RBFOX1: variants seen among roughly 807,000 people sequenced by gnomAD.
RBFOX1 encodes RNA binding protein fox-1 homolog 1.
RBFOX1 carries 8 observed loss-of-function variants against 57.7 expected under a neutral mutation model. That is an observed-to-expected ratio of 0.14 (90% CI 0.08 to 0.25). RBFOX1 has a LOEUF of 0.25. RBFOX1 is among the 10% of genes least tolerant of loss of function. RBFOX1 has a pLI of 1.00. For missense variants in RBFOX1, 611 were observed against 548.5 expected, an observed-to-expected ratio of 1.11 and a Z score of -1.14; for synonymous variants, 326 against 222.4, an observed-to-expected ratio of 1.47 and a Z score of -4.15.
intron 4 of RBFOX1, among the ~76,000 whole-genome samples, chr16:7,073,704 C>G (rs1489643523): frequency 6.6e-6 from 1 of 150,964 alleles, no homozygotes; most frequent in African/African-American, 2.4e-5. Flanking sequence ...AAAATATATA[C>G]AAAAAAAAAT....
chr16:5,658,543 A>T (rs952942653), intron 3 of RBFOX1, among the ~76,000 whole-genome samples: 3 of 151,958 alleles, frequency 2.0e-5, no homozygotes, highest in Non-Finnish European at 4.4e-5. Flanking sequence ...TTCTCTGGGT[A>T]TTACCTGGAA....
At chr16:5,962,380 A>G (rs2059767185) in intron 4 of RBFOX1, among the ~76,000 whole-genome samples, 1 of 152,182 alleles carries the variant, frequency 6.6e-6, no homozygotes, top group Admixed American at 6.5e-5. Flanking sequence ...GTCCCTAGAT[A>G]TGAAGCACTC....
chr16:6,533,437 C>T (rs2153820858), intron 2 of RBFOX1, among the ~76,000 whole-genome samples: 1 of 152,264 alleles, frequency 6.6e-6, no homozygotes, highest in Non-Finnish European at 1.5e-5. Context: ...TGCCACGTGG[C>T]ACCACCAGCA....
intron 4 of RBFOX1, among the ~76,000 whole-genome samples, chr16:7,487,536 G>C (rs965901851): frequency 2.6e-5 from 4 of 152,170 alleles, no homozygotes; most frequent in Admixed American, 6.5e-5. Context: ...ATTCCTTAAA[G>C]TGGGAATGTC....
At chr16:6,506,241 A>G (rs573484545) in intron 2 of RBFOX1, among the ~76,000 whole-genome samples, 2 of 152,272 alleles carry the variant, frequency 1.3e-5, no homozygotes, top group South Asian at 4.1e-4. Context: ...CTTCTGGACT[A>G]AGGGAGGACC....
At chr16:5,657,626 T>C (rs999441652) in intron 3 of RBFOX1, among the ~76,000 whole-genome samples, 10 of 58,910 alleles carry the variant, frequency 1.7e-4, no homozygotes, top group African/African-American at 6.5e-4. Context: ...CTTTCTCTCT[T>C]TCTTTCTTTC....
chr16:5,275,686 T>A (rs935010845), intron 1 of RBFOX1, among the ~76,000 whole-genome samples: 3 of 152,062 alleles, frequency 2.0e-5, no homozygotes, highest in African/African-American at 7.2e-5. Context: ...GAAAAAACAA[T>A]GCCAAAATTC....
chr16:5,585,537 G>T (rs1201062593), intron 2 of RBFOX1, among the ~76,000 whole-genome samples: 1 of 152,180 alleles, frequency 6.6e-6, no homozygotes, highest in Admixed American at 6.5e-5. Context: ...AGTATCCTGT[G>T]TCTTGATTGA....
At chr16:5,830,612 G>C (rs2056231184) in intron 3 of RBFOX1, among the ~76,000 whole-genome samples, 1 of 152,142 alleles carries the variant, frequency 6.6e-6, no homozygotes, top group Non-Finnish European at 1.5e-5. Flanking sequence ...TGGGAGGTGA[G>C]AAAAGATGTA....
chr16:5,847,390 T>G (rs2151857983), intron 3 of RBFOX1, among the ~76,000 whole-genome samples: 1 of 151,702 alleles, frequency 6.6e-6, no homozygotes, highest in East Asian at 1.9e-4. Flanking sequence ...AATCTTAAAA[T>G]AGATCCTGAT....
chr16:6,621,932 A>C (rs34721885), intron 2 of RBFOX1, among the ~76,000 whole-genome samples: 4,017 of 152,268 alleles, frequency 0.026, 93 homozygotes, highest in Non-Finnish European at 0.039. Context: ...GCTAAGAGAG[A>C]GTTATGGTGG....
intron 3 of RBFOX1, among the ~76,000 whole-genome samples, chr16:6,688,001 T>C (rs2059687171): frequency 6.6e-6 from 1 of 152,228 alleles, no homozygotes; most frequent in Non-Finnish European, 1.5e-5. Flanking sequence ...ACATCTTCTA[T>C]GCCAAGCACT....
chr16:6,660,817 C>A (rs1474947831), intron 3 of RBFOX1, among the ~76,000 whole-genome samples: 1 of 152,106 alleles, frequency 6.6e-6, no homozygotes, highest in African/African-American at 2.4e-5. Flanking sequence ...TTTATAATTA[C>A]ATTTATTTTA....
intron 4 of RBFOX1, among the ~76,000 whole-genome samples, chr16:7,333,671 G>A (rs72769289): frequency 7.7e-4 from 117 of 152,284 alleles, no homozygotes; most frequent in Non-Finnish European, 1.3e-3. Context: ...CTTAATGATG[G>A]CAAGAAAGTG....
chr16:6,190,789 A>G (rs190280020), intron 1 of RBFOX1, among the ~76,000 whole-genome samples: 12 of 152,236 alleles, frequency 7.9e-5, no homozygotes, highest in Non-Finnish European at 1.8e-4. Flanking sequence ...TGGCTTATGT[A>G]TTTTATCTTG....
chr16:5,653,747 G>A (rs1337344119), intron 3 of RBFOX1, among the ~76,000 whole-genome samples: 1 of 152,154 alleles, frequency 6.6e-6, no homozygotes, highest in African/African-American at 2.4e-5. Flanking sequence ...CATTTCCACA[G>A]GCCAGGGGTG....
intron 2 of RBFOX1, among the ~76,000 whole-genome samples, chr16:6,603,471 G>C (rs1231767171): frequency 2.0e-5 from 3 of 152,162 alleles, no homozygotes; most frequent in South Asian, 2.1e-4. Context: ...TAAGAACCTT[G>C]CTCTTGCTTT....
chr16:7,045,035 G>C (rs1447265478), intron 3 of RBFOX1, among the ~76,000 whole-genome samples: 1 of 152,156 alleles, frequency 6.6e-6, no homozygotes, highest in African/African-American at 2.4e-5. Flanking sequence ...CTGCCGTTTT[G>C]TGCAATGGAC....
chr16:5,454,910 CTTT>C (rs1567535298), intron 1 of RBFOX1, among the ~76,000 whole-genome samples: 1 of 63,530 alleles, frequency 1.6e-5, no homozygotes, highest in Non-Finnish European at 3.4e-5. Context: ...TTCTTTCTTT[CTTT>C]CCTTTGTTTC....
Sources: gnomAD v4.1 joint callset for allele counts (sites outside exome capture counted in the v4.1 genomes callset) on GRCh38, gnomAD v4.1.1 for gene constraint, MANE v1.5 for transcripts, NCBI Gene and HGNC (gene_info 2026-07-23, HGNC 2026-07-21) for gene names.